The following EPHB1 variants were observed in gnomAD, a reference collection of about 807,000 sequenced individuals.
EPHB1 encodes EPH receptor B1.
EPHB1 carries 30 observed loss-of-function variants against 94.4 expected under a neutral mutation model. That is an observed-to-expected ratio of 0.32 (90% CI 0.24 to 0.43). The LOEUF (loss-of-function observed/expected upper bound fraction) is 0.43, where lower values mean the gene tolerates loss of function less well. Among genes scored for constraint, EPHB1 ranks in the 20% least tolerant of loss-of-function variants. EPHB1 has a pLI of 1.00. For missense variants in EPHB1, 1,055 were observed against 1,308.3 expected (o/e 0.81, Z 2.99); for synonymous variants, 522 against 489.1 (o/e 1.07, Z -0.89).
chr3:135,042,473 ATATGAG>A (rs1270034252), intron 3 of EPHB1, among the ~76,000 whole-genome samples: 3 of 152,264 alleles, frequency 2.0e-5, no homozygotes, highest in Non-Finnish European at 4.4e-5. Context: ...GGACATACAT[ATATGAG>A]TATATGAAAA....
intron 3 of EPHB1, among the ~76,000 whole-genome samples, chr3:135,071,041 T>C (rs1455280930): frequency 6.6e-6 from 1 of 152,196 alleles, no homozygotes; most frequent in Non-Finnish European, 1.5e-5. Context: ...ACCTGGAAGC[T>C]TTTATGGAAT....
chr3:134,800,387 A>T (rs1477400646), intron 1 of EPHB1, among the ~76,000 whole-genome samples: 1 of 152,182 alleles, frequency 6.6e-6, no homozygotes, highest in East Asian at 1.9e-4. Context: ...TAAGGCTTAG[A>T]TGTGTAGTGT....
At chr3:134,796,035 T>TAA in intron 1 of EPHB1, 7 of 364,190 alleles carry the variant, frequency 1.9e-5, no homozygotes, top group Admixed American at 5.2e-5. Context: ...GAGCCAGAGC[T>TAA]GGGCGTTGGG....
At chr3:134,834,232 G>C (rs1043129896) in intron 1 of EPHB1, among the ~76,000 whole-genome samples, 21 of 152,192 alleles carry the variant, frequency 1.4e-4, no homozygotes, top group East Asian at 1.2e-3. Context: ...TTAGAATAGA[G>C]CCTGGTAAAC....
chr3:134,981,749 C>A (rs966059673), intron 3 of EPHB1, among the ~76,000 whole-genome samples: 2 of 152,256 alleles, frequency 1.3e-5, no homozygotes, highest in East Asian at 3.9e-4. Flanking sequence ...AGGTGCCAAG[C>A]ATATGGAGAT....
intron 1 of EPHB1, among the ~76,000 whole-genome samples, chr3:134,919,670 C>T (rs575842737): frequency 1.3e-5 from 2 of 152,286 alleles, no homozygotes; most frequent in African/African-American, 4.8e-5. Flanking sequence ...CTGGCCTGCC[C>T]AGCCAGCAGA....
Position 135,178,712 on chromosome 3 carries a change from C to T in EPHB1, c.1760-1148C>T, listed in dbSNP as rs564657422. The stretch of plus-strand genomic sequence containing the variant: ...AGGGGGGAGGTGCTAAAATGGAGCT[C>T]ATGAAACCTGAGGCCTAACCTCAGC... On this transcript the variant is annotated intron_variant, in intron 9 of 15. Coordinates refer to ENST00000398015, the MANE Select transcript of EPHB1 (RefSeq NM_004441.5). Among the ~76,000 whole-genome samples, 18 of 152,182 alleles carry T rather than the reference C, an allele frequency of 1.2e-4. No individual in the cohort carries two copies. In the South Asian group the frequency reaches 3.7e-3, roughly 32 times the overall value.
At chr3:134,940,589 T>C (rs1383333357) in intron 2 of EPHB1, among the ~76,000 whole-genome samples, 1 of 152,224 alleles carries the variant, frequency 6.6e-6, no homozygotes, top group Non-Finnish European at 1.5e-5. Flanking sequence ...CTTGTTCTGG[T>C]TGCCCTCTGT....
chr3:134,832,987 T>C (rs535115560), intron 1 of EPHB1, among the ~76,000 whole-genome samples: 119 of 152,376 alleles, frequency 7.8e-4, no homozygotes, highest in African/African-American at 2.9e-3. Flanking sequence ...TGCTGTTTTT[T>C]AAAAAGTGCT....
chr3:134,814,699 C>G (rs2036236237), intron 1 of EPHB1, among the ~76,000 whole-genome samples: 1 of 152,206 alleles, frequency 6.6e-6, no homozygotes, highest in Non-Finnish European at 1.5e-5. Context: ...CTCTAGAAAG[C>G]CCAGGAGGAG....
At chr3:135,056,920 G>A (rs1483327724) in intron 3 of EPHB1, among the ~76,000 whole-genome samples, 4 of 152,082 alleles carry the variant, frequency 2.6e-5, no homozygotes, top group Non-Finnish European at 5.9e-5. Flanking sequence ...GTGTTATTCA[G>A]GGCACCTGCT....
chr3:134,845,901 C>T (rs897902990), intron 1 of EPHB1, among the ~76,000 whole-genome samples: 4 of 152,182 alleles, frequency 2.6e-5, no homozygotes, highest in African/African-American at 9.7e-5. Flanking sequence ...GAACTACCCA[C>T]ACAATACCCC....
intron 12 of EPHB1, among the ~76,000 whole-genome samples, chr3:135,223,682 A>G (rs1044482432): frequency 1.1e-4 from 17 of 152,352 alleles, no homozygotes; most frequent in Admixed American, 5.2e-4. Flanking sequence ...TGGCTTCTCT[A>G]TAAAAACAAC....
intron 1 of EPHB1, among the ~76,000 whole-genome samples, chr3:134,845,727 T>C (rs1011926245): frequency 1.3e-5 from 2 of 152,168 alleles, no homozygotes; most frequent in African/African-American, 2.4e-5. Context: ...TCACATTGCC[T>C]CTCTAGGAGG....
At chr3:135,032,380 A>T (rs12496596) in intron 3 of EPHB1, among the ~76,000 whole-genome samples, 38,581 of 148,176 alleles carry the variant, frequency 0.26, 6,389 homozygotes, top group East Asian at 0.71. Flanking sequence ...TAAGACATTT[A>T]TTTTCATAGC....
intron 11 of EPHB1, among the ~76,000 whole-genome samples, chr3:135,198,289 G>A (rs1234065335): frequency 6.6e-6 from 1 of 152,200 alleles, no homozygotes; most frequent in African/African-American, 2.4e-5. Context: ...GTGATTTAAG[G>A]CTGATCACAT....
rs113849273 is a variant in EPHB1, at chr3:134,985,216, C to T, written c.805+33164C>T. On this transcript the variant is annotated intron_variant, in intron 3 of 15. Transcript: ENST00000398015. ...GTTGCCCAGGCTGGAGTCCATGGTG[C>T]GATCTCAGCTCACTGCAACCTCCAC... Among the ~76,000 whole-genome samples, 1,296 of 152,114 alleles carry T rather than the reference C, an allele frequency of 8.5e-3. 22 individuals are homozygous for T. The highest frequency in any genetic ancestry group is 0.027 in the African/African-American group (1,136 of 41,482).
intron 3 of EPHB1, among the ~76,000 whole-genome samples, chr3:135,048,310 G>A (rs1205544378): frequency 3.1e-5 from 4 of 129,762 alleles, no homozygotes; most frequent in African/African-American, 9.2e-5. Context: ...TTCCAGGCTG[G>A]AGTGCAGTGG....
chr3:134,940,818 G>A (rs1560306901), intron 2 of EPHB1, among the ~76,000 whole-genome samples: 1 of 152,164 alleles, frequency 6.6e-6, no homozygotes, highest in Non-Finnish European at 1.5e-5. Context: ...AGGTCCATGC[G>A]GACAGGGATT....
Sources: gnomAD v4.1 joint callset for allele counts (sites outside exome capture counted in the v4.1 genomes callset) on GRCh38, gnomAD v4.1.1 for gene constraint, MANE v1.5 for transcripts, NCBI Gene and HGNC (gene_info 2026-07-23, HGNC 2026-07-21) for gene names.